Variants in RANBP2 observed in about 807,000 individuals in gnomAD.
RANBP2 encodes RAN binding protein 2, also known as E3 SUMO-protein ligase RanBP2.
In RANBP2, 57 loss-of-function variants were observed where a neutral mutation model predicts 303.6. That is an observed-to-expected ratio of 0.19 (90% CI 0.15 to 0.23). The LOEUF (loss-of-function observed/expected upper bound fraction) is 0.23. Ranked by LOEUF, RANBP2 falls within the 10% of genes least tolerant of loss-of-function variation. The pLI, the probability that RANBP2 is intolerant of heterozygous loss-of-function variation, is 1.00. For synonymous variants in RANBP2, 1,167 were observed against 1,301.5 expected, an observed-to-expected ratio of 0.90 and a Z score of 2.23; for missense variants, 3,138 against 3,780.8, an observed-to-expected ratio of 0.83 and a Z score of 4.46.
chr2:109,377,614 G>A, the RANBP2 span, among the ~76,000 whole-genome samples: 21 of 152,146 alleles, frequency 1.4e-4, no homozygotes, highest in Admixed American at 1.3e-4. Flanking sequence ...AATAATGGCA[G>A]CCAACATGAA....
At chr2:108,787,974 T>C (rs1679187780), downstream of RANBP2, 12 of 1,333,770 alleles carry the variant, frequency 9.0e-6, no homozygotes, top group East Asian at 3.1e-4. Context: ...GGGGAAATAT[T>C]TTGAGACAGT....
At chr2:109,449,313 G>A in the RANBP2 span, 1 of 1,606,946 alleles carries the variant, frequency 6.2e-7, no homozygotes, top group Non-Finnish European at 8.5e-7. Flanking sequence ...CCAGCCCCCG[G>A]TGCAGATGTG....
the RANBP2 span, among the ~76,000 whole-genome samples, chr2:108,793,768 T>G: frequency 6.6e-6 from 1 of 151,928 alleles, no homozygotes; most frequent in East Asian, 1.9e-4. Context: ...GGCTAATTTT[T>G]TTTTTTTGTA....
chr2:108,924,016 C>T, the RANBP2 span, among the ~76,000 whole-genome samples: 1 of 152,246 alleles, frequency 6.6e-6, no homozygotes, highest in African/African-American at 2.4e-5. Context: ...GCAGGTGGCC[C>T]TCATGATAGC....
At position 108,757,794 on chromosome 2, in the gene RANBP2, G is replaced by A. The variant is rs1676429062; in HGVS notation, c.2467-619G>A. On this transcript the variant is annotated intron_variant, in intron 17 of 28. Transcript: ENST00000283195. ...GAGCAGGGAATTGTCTTGGCTGGAG[G>A]TGAACGTCAGAAAGGTTAATGTAGG... Among the ~76,000 whole-genome samples the A allele has an allele frequency of 3.3e-5, 5 of 152,152 alleles. No individual in the cohort carries two copies. In the South Asian group the frequency reaches 1.0e-3, roughly 32 times the overall value.
At chr2:108,991,624 C>T in the RANBP2 span, among the ~76,000 whole-genome samples, 1 of 152,232 alleles carries the variant, frequency 6.6e-6, no homozygotes, top group Non-Finnish European at 1.5e-5. Flanking sequence ...AGGGGCACAA[C>T]AGGCAGGCTG....
chr2:109,585,775 G>C, the RANBP2 span: 125 of 1,613,740 alleles, frequency 7.7e-5, 4 homozygotes, highest in South Asian at 1.2e-3. Flanking sequence ...TTCACCAGCT[G>C]ATCAGGCAAA....
At chr2:109,480,657 A>G in the RANBP2 span, among the ~76,000 whole-genome samples, 1 of 152,078 alleles carries the variant, frequency 6.6e-6, no homozygotes, top group Non-Finnish European at 1.5e-5. Context: ...GAGACGAACA[A>G]TGCTGTACTG....
chr2:108,938,968 C>CG, the RANBP2 span, among the ~76,000 whole-genome samples: 1 of 151,852 alleles, frequency 6.6e-6, no homozygotes, highest in Non-Finnish European at 1.5e-5. Context: ...TTATTAGAGA[C>CG]GGGGTTTCAC....
At chr2:108,819,572 C>A in the RANBP2 span, among the ~76,000 whole-genome samples, 25 of 152,120 alleles carry the variant, frequency 1.6e-4, no homozygotes, top group African/African-American at 5.5e-4. Flanking sequence ...GAGGAAACAG[C>A]GATAAGTTGC....
chr2:108,811,247 C>CTCTCTTTTTTTTTTTTTTTTTTTTTT, the RANBP2 span, among the ~76,000 whole-genome samples: 1 of 113,938 alleles, frequency 8.8e-6, no homozygotes, highest in African/African-American at 3.8e-5. Flanking sequence ...TTCTCTCTCT[C>CTCTCTTTTTTTTTTTTTTTTTTTTTT]TTTTTTTTTT....
the RANBP2 span, among the ~76,000 whole-genome samples, chr2:108,823,996 T>TG: frequency 2.7e-5 from 4 of 146,010 alleles, no homozygotes; most frequent in South Asian, 4.4e-4. Flanking sequence ...AAGGGAGGGG[T>TG]GGGGGGTACA....
chr2:109,476,935 G>A, the RANBP2 span, among the ~76,000 whole-genome samples: 1 of 152,190 alleles, frequency 6.6e-6, no homozygotes, highest in Non-Finnish European at 1.5e-5. Context: ...AGGACAACCA[G>A]AGGTCACCCT....
the RANBP2 span, among the ~76,000 whole-genome samples, chr2:109,156,694 C>T: frequency 8.5e-5 from 13 of 152,138 alleles, no homozygotes; most frequent in Non-Finnish European, 1.8e-4. Flanking sequence ...GATCTCGCCT[C>T]GGCCTCCCAA....
the RANBP2 span, among the ~76,000 whole-genome samples, chr2:109,189,297 A>C: frequency 1.3e-5 from 2 of 151,098 alleles, no homozygotes; most frequent in African/African-American, 4.9e-5. Flanking sequence ...TCTGATTGTC[A>C]GGCTCCACCT....
the RANBP2 span, among the ~76,000 whole-genome samples, chr2:108,981,542 G>T: frequency 3.9e-5 from 6 of 152,292 alleles, no homozygotes; most frequent in East Asian, 9.6e-4. Flanking sequence ...TCCAGGATCC[G>T]GGGCTAGCCA....
chr2:109,468,265 A>G, the RANBP2 span, among the ~76,000 whole-genome samples: 11 of 152,202 alleles, frequency 7.2e-5, no homozygotes, highest in Admixed American at 6.5e-4. Flanking sequence ...ACTGTGTTGA[A>G]CACCATAGGC....
At chr2:109,704,272 A>T in the RANBP2 span, among the ~76,000 whole-genome samples, 2 of 152,212 alleles carry the variant, frequency 1.3e-5, no homozygotes. Flanking sequence ...AGCATGGGCC[A>T]GGCATGGTGG....
the RANBP2 span, among the ~76,000 whole-genome samples, chr2:109,584,479 A>AG: frequency 2.0e-5 from 3 of 151,466 alleles, no homozygotes; most frequent in Admixed American, 2.0e-4. Context: ...TGTCTCAAAA[A>AG]AAAAAAAAAA....
Sources: allele counts gnomAD v4.1 joint callset (sites outside exome capture counted in the v4.1 genomes callset), GRCh38; gene constraint gnomAD v4.1.1; transcripts MANE v1.5; gene names NCBI Gene and HGNC (gene_info 2026-07-23, HGNC 2026-07-21).